GYPC: variants seen among roughly 807,000 people sequenced by gnomAD.
GYPC encodes the protein glycophorin-C.
Under a neutral mutation model 12.6 loss-of-function variants are expected in GYPC, and 14 were observed. The ratio of observed to expected loss-of-function variants is 1.11; its 90% CI spans 0.74 to 1.74. The LOEUF is 1.74. GYPC is among the 40% of genes most tolerant of loss of function. The pLI, the probability that GYPC is intolerant of heterozygous loss-of-function variation, is 0.00. For synonymous variants in GYPC, 78 were observed against 62.1 expected (o/e 1.26, Z -1.20); for missense variants, 225 against 172.1 (o/e 1.31, Z -1.72).
In GYPC at chr2:126,696,261, C is replaced by T. The variant is rs1683642281; in HGVS notation, c.*119C>T. On this transcript the variant is annotated 3_prime_UTR_variant, in exon 4 of 4. Transcript: ENST00000259254. ...AGAGAGAGAGAGCACTTGATTCTTC[C>T]CGAGATAGCCACCTGGAAACACTAG... The T allele has an allele frequency of 1.3e-6, 1 of 799,854 alleles. No individual in the cohort carries two copies. Among genetic ancestry groups the T allele is most frequent in the Non-Finnish European group, 2.1e-6 (1 of 466,206 alleles). The allele number at this position is 799,854 out of a possible 1,614,324, so 49.5% of individuals were successfully genotyped here. A position where few individuals can be genotyped will look rare whatever the true frequency, so the allele number is the denominator to read the frequency against.
At chr2:126,690,800 A>G (rs399291) in intron 2 of GYPC, among the ~76,000 whole-genome samples, 2 of 152,102 alleles carry the variant, frequency 1.3e-5, no homozygotes, top group African/African-American at 2.4e-5. Context: ...TTGAACCCTG[A>G]GCAACGGGCT....
At chr2:126,682,693 G>A (rs941205671) in intron 1 of GYPC, among the ~76,000 whole-genome samples, 4 of 152,182 alleles carry the variant, frequency 2.6e-5, no homozygotes, top group African/African-American at 7.2e-5. Context: ...CTGAAGCCAC[G>A]CCAACTGTTC....
In GYPC at chr2:126,693,953, C is replaced by G. The variant is rs76457450; in HGVS notation, c.190+6C>G. 6.3e-7 allele frequency: 1 copy of G among 1,588,660 alleles called. No homozygotes were observed. Among genetic ancestry groups the G allele is most frequent in the Admixed American group, 1.7e-5 (1 of 59,942 alleles). ...GGACATTGTCGTCATTGCAGGTGAG[C>G]TCTCATCACAGAGCCCTTCAAGCAG... On this transcript the variant is annotated splice_donor_region_variant and intron_variant, in intron 3 of 3. Coordinates refer to ENST00000259254, the MANE Select transcript of GYPC (RefSeq NM_002101.5).
intron 1 of GYPC, among the ~76,000 whole-genome samples, chr2:126,681,981 C>T (rs1423118129): frequency 1.3e-5 from 2 of 152,168 alleles, no homozygotes; most frequent in Non-Finnish European, 2.9e-5. Flanking sequence ...ACCCCAGGAG[C>T]ATGGTGCGCA....
At chr2:126,658,277 G>A (rs1682427956) in intron 1 of GYPC, 1 of 152,282 alleles carries the variant, frequency 6.6e-6, no homozygotes, top group Non-Finnish European at 1.5e-5. Context: ...TGATGCTGGT[G>A]GTCAGCAGCT....
At chr2:126,676,828 G>T (rs1683006008) in intron 1 of GYPC, among the ~76,000 whole-genome samples, 1 of 152,176 alleles carries the variant, frequency 6.6e-6, no homozygotes, top group Non-Finnish European at 1.5e-5. Flanking sequence ...GACAGGATGG[G>T]CACTTGAGCC....
chr2:126,664,933 A>G (rs1258910467), intron 1 of GYPC, among the ~76,000 whole-genome samples: 5 of 151,006 alleles, frequency 3.3e-5, no homozygotes, highest in Admixed American at 3.3e-4. Context: ...GGCTCAGGTC[A>G]TGCACTACTT....
intron 1 of GYPC, chr2:126,675,611 T>C (rs1290783637): frequency 3.8e-6 from 3 of 790,392 alleles, no homozygotes; most frequent in Non-Finnish European, 4.6e-6. Flanking sequence ...TTTCCATCCC[T>C]ACCCTGCTTC....
intron 1 of GYPC, among the ~76,000 whole-genome samples, chr2:126,657,335 G>A (rs1375399260): frequency 2.6e-5 from 4 of 152,218 alleles, no homozygotes; most frequent in Non-Finnish European, 5.9e-5. Context: ...TTGGGAGCGA[G>A]GCCCCTCAGT....
chr2:126,666,458 C>T (rs1225740321), intron 1 of GYPC, among the ~76,000 whole-genome samples: 1 of 152,156 alleles, frequency 6.6e-6, no homozygotes, highest in Admixed American at 6.5e-5. Context: ...TACTAGTCTC[C>T]CTCTTTTGCA....
chr2:126,658,719 G>A (rs1311350862), intron 1 of GYPC: 1 of 152,098 alleles, frequency 6.6e-6, no homozygotes, highest in African/African-American at 2.4e-5. Context: ...AAGTAAATTT[G>A]CTGATACAAA....
chr2:126,689,608 G>A (rs1289684774), intron 1 of GYPC, among the ~76,000 whole-genome samples: 9 of 150,882 alleles, frequency 6.0e-5, no homozygotes, highest in Admixed American at 2.6e-4. Flanking sequence ...GACTGGATTA[G>A]TCACTGGAGA....
intron 1 of GYPC, among the ~76,000 whole-genome samples, chr2:126,682,182 C>T (rs149634872): frequency 1.6e-4 from 24 of 152,356 alleles, no homozygotes; most frequent in African/African-American, 5.3e-4. Flanking sequence ...ATTTTCTTTG[C>T]CATTTTGGTA....
chr2:126,675,855 G>A, intron 1 of GYPC: 1 of 195,106 alleles, frequency 5.1e-6, no homozygotes. Context: ...ATATGTACTG[G>A]GTTTAGCCAT....
At chr2:126,660,003 G>C (rs573585112) in intron 1 of GYPC, among the ~76,000 whole-genome samples, 2 of 152,092 alleles carry the variant, frequency 1.3e-5, no homozygotes, top group African/African-American at 4.8e-5. Context: ...CCAGAGGCTC[G>C]GGGGAGATAA....
At chr2:126,674,636 G>A (rs1372461987) in intron 1 of GYPC, among the ~76,000 whole-genome samples, 1 of 152,216 alleles carries the variant, frequency 6.6e-6, no homozygotes, top group East Asian at 1.9e-4. Flanking sequence ...CTGAGCCTCA[G>A]AGAAGATGGA....
intron 1 of GYPC, among the ~76,000 whole-genome samples, chr2:126,684,954 C>T (rs1235138745): frequency 6.6e-6 from 1 of 152,230 alleles, no homozygotes; most frequent in Non-Finnish European, 1.5e-5. Context: ...TCCCCTGTAA[C>T]TCTGTGGCTG....
intron 1 of GYPC, among the ~76,000 whole-genome samples, chr2:126,665,034 CAGA>C (rs1682642014): frequency 6.6e-6 from 1 of 152,094 alleles, no homozygotes; most frequent in African/African-American, 2.4e-5. Flanking sequence ...CCTTTTAAGT[CAGA>C]AGAATAGGCT....
chr2:126,674,088 T>G (rs1413469628), intron 1 of GYPC, among the ~76,000 whole-genome samples: 1 of 152,154 alleles, frequency 6.6e-6, no homozygotes, highest in Non-Finnish European at 1.5e-5. Flanking sequence ...TGTGTCTGAG[T>G]GTGCCTGGGC....
Sources: allele counts gnomAD v4.1 joint callset (sites outside exome capture counted in the v4.1 genomes callset), GRCh38; gene constraint gnomAD v4.1.1; transcripts MANE v1.5; gene names NCBI Gene and HGNC (gene_info 2026-07-23, HGNC 2026-07-21).